Variants in LPP observed in about 807,000 individuals in gnomAD.
LPP encodes the protein lipoma-preferred partner.
LPP carries 38 observed loss-of-function variants against 60.4 expected under a neutral mutation model. That is an observed-to-expected ratio of 0.63 (90% CI 0.49 to 0.83). The LOEUF is 0.83. Ranked by LOEUF, LPP falls within the 40% of genes least tolerant of loss-of-function variation. The probability of loss-of-function intolerance (pLI) is 0.00; values close to 1 mark genes in which losing one functional copy is unlikely to be tolerated. For missense variants in LPP, 902 were observed against 783.6 expected (o/e 1.15, Z -1.80); for synonymous variants, 328 against 290.8 (o/e 1.13, Z -1.30).
chr3:188,712,679 C>T (rs1374414284), intron 8 of LPP: 2 of 152,204 alleles, frequency 1.3e-5, no homozygotes, highest in Admixed American at 6.5e-5. Flanking sequence ...CCATCACCTA[C>T]TCTTTCTTTA....
At chr3:188,521,798 A>T (rs192378547) in intron 5 of LPP, among the ~76,000 whole-genome samples, 159 of 152,272 alleles carry the variant, frequency 1.0e-3, no homozygotes, top group African/African-American at 3.7e-3. Flanking sequence ...CCAGGGAAAG[A>T]TTTAAGCAGA....
chr3:188,567,913 A>C (rs1268441871), intron 6 of LPP, among the ~76,000 whole-genome samples: 2 of 152,012 alleles, frequency 1.3e-5, no homozygotes, highest in African/African-American at 4.8e-5. Context: ...CCATACTCAT[A>C]ACACTAAATC....
At chr3:188,320,100 T>C (rs1184535079) in intron 2 of LPP, among the ~76,000 whole-genome samples, 2 of 152,262 alleles carry the variant, frequency 1.3e-5, no homozygotes, top group African/African-American at 4.8e-5. Flanking sequence ...CATTGCTTCA[T>C]ATCACAGCGT....
intron 2 of LPP, among the ~76,000 whole-genome samples, chr3:188,250,790 C>CTGTCTT (rs1729088909): frequency 9.4e-6 from 1 of 105,958 alleles, no homozygotes; most frequent in African/African-American, 5.0e-5. Context: ...TTCTTTCTGT[C>CTGTCTT]TTTCTCTTTC....
intron 7 of LPP, among the ~76,000 whole-genome samples, chr3:188,690,238 A>G (rs1861801296): frequency 6.6e-6 from 1 of 152,160 alleles, no homozygotes; most frequent in South Asian, 2.1e-4. Context: ...CATAAATCCT[A>G]GTCCTCTGGC....
intron 1 of LPP, among the ~76,000 whole-genome samples, chr3:188,173,298 C>T (rs756584257): frequency 5.9e-5 from 9 of 152,192 alleles, no homozygotes; most frequent in South Asian, 4.1e-4. Context: ...GTCAGGAGTT[C>T]GAGGCCAGCG....
Position 188,249,313 on chromosome 3 carries a change from A to G in LPP, c.-67+23786A>G, listed in dbSNP as rs138086359. 3.7e-3 allele frequency among the ~76,000 whole-genome samples: 559 copies of G among 151,966 alleles called. 3 individuals carry two copies. Among genetic ancestry groups the G allele is most frequent in the African/African-American group, 0.013 (548 of 41,436 alleles). On this transcript the variant is annotated intron_variant, in intron 2 of 11. Coordinates refer to ENST00000617246, the MANE Select transcript of LPP (RefSeq NM_001375462.1). ...TCAGGAGGCTGAGGTGGGAGGATCG[A>G]TTGGGCCTGGGACATCAAGGCTGCC...
chr3:188,708,563 C>A, intron 8 of LPP, 170 bp downstream of exon 8: 1 of 860,242 alleles, frequency 1.2e-6, no homozygotes, highest in Non-Finnish European at 1.8e-6. Context: ...ATTTGCAAGA[C>A]TGCCATAGAT....
chr3:188,161,331 T>C (rs1718205136), intron 1 of LPP, among the ~76,000 whole-genome samples: 1 of 152,150 alleles, frequency 6.6e-6, no homozygotes, highest in South Asian at 2.1e-4. Flanking sequence ...CTGTATCGGG[T>C]CAGCAGCGTA....
intron 5 of LPP, among the ~76,000 whole-genome samples, chr3:188,495,653 C>T (rs1190084690): frequency 2.0e-5 from 3 of 152,176 alleles, no homozygotes; most frequent in Non-Finnish European, 4.4e-5. Context: ...AGCACATCTT[C>T]CATCCTGGCC....
chr3:188,356,434 A>G (rs1423090226), intron 3 of LPP, among the ~76,000 whole-genome samples: 1 of 152,194 alleles, frequency 6.6e-6, no homozygotes, highest in Non-Finnish European at 1.5e-5. Flanking sequence ...TCTGGGTAGA[A>G]ATGAAGCTCC....
At chr3:188,869,201 G>C (rs1301660249) in intron 10 of LPP, among the ~76,000 whole-genome samples, 1 of 152,206 alleles carries the variant, frequency 6.6e-6, no homozygotes, top group Non-Finnish European at 1.5e-5. Context: ...AGAGCAGCCT[G>C]GGAGTAGAGA....
chr3:188,424,743 GCTCT>G (rs769004896), intron 4 of LPP, among the ~76,000 whole-genome samples: 3 of 151,534 alleles, frequency 2.0e-5, no homozygotes, highest in African/African-American at 7.3e-5. Flanking sequence ...TCATGATTCA[GCTCT>G]CTATCATTGG....
At chr3:188,686,181 A>C (rs1860670443) in intron 7 of LPP, among the ~76,000 whole-genome samples, 1 of 152,152 alleles carries the variant, frequency 6.6e-6, no homozygotes, top group South Asian at 2.1e-4. Flanking sequence ...TACAAAATAT[A>C]TTACTCAATA....
chr3:188,240,522 T>G (rs1054784317), intron 2 of LPP, among the ~76,000 whole-genome samples: 1 of 152,174 alleles, frequency 6.6e-6, no homozygotes, highest in Admixed American at 6.5e-5. Context: ...CTTTATTTTG[T>G]AGGGAAGGAA....
At chr3:188,532,003 A>G (rs931269321) in intron 6 of LPP, among the ~76,000 whole-genome samples, 1 of 152,146 alleles carries the variant, frequency 6.6e-6, no homozygotes, top group African/African-American at 2.4e-5. Context: ...GGGATCTGTA[A>G]TAGTAACTCC....
At chr3:188,191,577 A>G (rs958687497) in intron 1 of LPP, among the ~76,000 whole-genome samples, 34 of 152,162 alleles carry the variant, frequency 2.2e-4, no homozygotes, top group African/African-American at 8.2e-4. Context: ...TGGAAACTGG[A>G]ATCAAATTCA....
At chr3:188,345,337 C>G (rs761644556) in intron 3 of LPP, among the ~76,000 whole-genome samples, 1 of 152,224 alleles carries the variant, frequency 6.6e-6, no homozygotes, top group East Asian at 1.9e-4. Flanking sequence ...CTTCTGCTTT[C>G]CGTGTTTATT....
intron 5 of LPP, among the ~76,000 whole-genome samples, chr3:188,498,956 T>C (rs1454106734): frequency 6.6e-6 from 1 of 152,184 alleles, no homozygotes; most frequent in African/African-American, 2.4e-5. Flanking sequence ...TATATCTTCT[T>C]TGGAGAAATG....
Sources: allele counts gnomAD v4.1 joint callset (sites outside exome capture counted in the v4.1 genomes callset), GRCh38; gene constraint gnomAD v4.1.1; transcripts MANE v1.5; gene names NCBI Gene and HGNC (gene_info 2026-07-23, HGNC 2026-07-21).